EIF3H: variants seen among roughly 807,000 people sequenced by gnomAD.
EIF3H encodes the protein eIF-3-gamma.
EIF3H carries 26 observed loss-of-function variants against 44.2 expected under a neutral mutation model. The ratio of observed to expected loss-of-function variants is 0.59; its 90% CI spans 0.43 to 0.82. EIF3H has a LOEUF of 0.82. Ranked by LOEUF, EIF3H falls within the 40% of genes least tolerant of loss-of-function variation. EIF3H has a pLI of 0.00. For missense variants in EIF3H, 359 were observed against 432.8 expected, an observed-to-expected ratio of 0.83 and a Z score of 1.51; for synonymous variants, 166 against 151.9, an observed-to-expected ratio of 1.09 and a Z score of -0.68.
chr8:116,644,912 G>T lies in EIF3H; in HGVS notation c.*94C>A. Reference sequence around the variant, plus strand: ...GGCAATGACACTAAAGAAATCCTCTGTGCTTTTCAATATGCAAATATATTT... The same window carrying T: ...GGCAATGACACTAAAGAAATCCTCTTTGCTTTTCAATATGCAAATATATTT... On this transcript the variant is annotated 3_prime_UTR_variant, in exon 8 of 8. Coordinates refer to ENST00000521861, the MANE Select transcript of EIF3H (RefSeq NM_003756.3). 1.0e-6 allele frequency: 1 copy of T among 997,754 alleles called. No homozygotes were observed. Among genetic ancestry groups the T allele is most frequent in the Non-Finnish European group, 1.5e-6 (1 of 656,618 alleles). The allele number at this position is 997,754 out of a possible 1,614,324, so 61.8% of individuals were successfully genotyped here. A position where few individuals can be genotyped will look rare whatever the true frequency, so the allele number is the denominator to read the frequency against.
chr8:116,692,734 G>A (rs997687434), intron 2 of EIF3H, among the ~76,000 whole-genome samples: 3 of 151,996 alleles, frequency 2.0e-5, no homozygotes, highest in Non-Finnish European at 4.4e-5. Context: ...GACTGTATTC[G>A]TAATGTTTAA....
At chr8:116,743,810 ACAC>A (rs1815181576) in intron 1 of EIF3H, among the ~76,000 whole-genome samples, 2 of 102,350 alleles carry the variant, frequency 2.0e-5, no homozygotes, top group African/African-American at 6.0e-5. Flanking sequence ...ACACACACAC[ACAC>A]ACACACACAC....
At chr8:116,648,781 T>A (rs911749678) in intron 6 of EIF3H, 25 bp downstream of exon 6, 2 of 1,557,572 alleles carry the variant, frequency 1.3e-6, no homozygotes, top group East Asian at 4.7e-5. Flanking sequence ...AATAGCTGTT[T>A]GTTGAATTTT....
chr8:116,695,961 T>G (rs1373779064), intron 2 of EIF3H, among the ~76,000 whole-genome samples: 3 of 152,252 alleles, frequency 2.0e-5, no homozygotes, highest in Non-Finnish European at 4.4e-5. Context: ...CAGTGTAAAC[T>G]CATGGTTTTC....
chr8:116,662,833 G>C (rs937411908), intron 2 of EIF3H, among the ~76,000 whole-genome samples: 1 of 152,184 alleles, frequency 6.6e-6, no homozygotes, highest in Non-Finnish European at 1.5e-5. Flanking sequence ...GGGAACAATC[G>C]TGAAATTATG....
In EIF3H at chr8:116,752,752, A is replaced by G. The variant is rs1337725611; in HGVS notation, c.132+2914T>C. On this transcript the variant is annotated intron_variant, in intron 1 of 7. Transcript: ENST00000521861. ...AGAAAGAAGAGAAAGAAAGAAAGAA[A>G]GAGGGAGGGAGGGAGGGAGGGAGGG... Among the ~76,000 whole-genome samples, 63 of 40,936 alleles carry G rather than the reference A, an allele frequency of 1.5e-3. 3 individuals carry two copies. Among genetic ancestry groups the G allele is most frequent in the South Asian group, 4.0e-3 (3 of 750 alleles). The allele number at this position is 40,936 out of a possible 152,430, so 26.9% of individuals were successfully genotyped here.
chr8:116,675,506 T>G (rs989647770), intron 2 of EIF3H, among the ~76,000 whole-genome samples: 1 of 152,194 alleles, frequency 6.6e-6, no homozygotes. Context: ...TCTTCCCAAG[T>G]TGTGGCAACC....
intron 2 of EIF3H, among the ~76,000 whole-genome samples, chr8:116,714,354 T>A (rs1814624855): frequency 6.6e-6 from 1 of 152,122 alleles, no homozygotes; most frequent in African/African-American, 2.4e-5. Flanking sequence ...AGTGTTCGCA[T>A]CATTTTTTCC....
At chr8:116,669,073 CTA>C (rs1483454900) in intron 2 of EIF3H, among the ~76,000 whole-genome samples, 1 of 152,024 alleles carries the variant, frequency 6.6e-6, no homozygotes, top group African/African-American at 2.4e-5. Flanking sequence ...AAATCAAAGT[CTA>C]TGCATTTCTA....
chr8:116,763,899 T>G (rs1292687309), intron 1 of EIF3H, among the ~76,000 whole-genome samples: 3 of 152,186 alleles, frequency 2.0e-5, no homozygotes, highest in African/African-American at 7.2e-5. Context: ...TTAATTCCAT[T>G]TAGGCCATGA....
intron 3 of EIF3H, chr8:116,657,656 C>A: frequency 4.5e-6 from 1 of 222,020 alleles, no homozygotes; most frequent in Non-Finnish European, 8.8e-6. Flanking sequence ...ATTAGGAAAT[C>A]ACTGATAAAT....
intron 2 of EIF3H, among the ~76,000 whole-genome samples, chr8:116,666,751 G>A (rs1340201904): frequency 2.9e-4 from 1 of 3,480 alleles, no homozygotes; most frequent in African/African-American, 3.1e-3. Flanking sequence ...TTTAGTGTTA[G>A]GCAAAAAAAA....
intron 2 of EIF3H, among the ~76,000 whole-genome samples, chr8:116,665,370 A>G (rs974597125): frequency 6.6e-6 from 1 of 152,208 alleles, no homozygotes; most frequent in African/African-American, 2.4e-5. Flanking sequence ...GCTGCATTCT[A>G]TGTTACTATT....
intron 2 of EIF3H, among the ~76,000 whole-genome samples, chr8:116,701,371 C>T (rs1459797034): frequency 1.3e-5 from 2 of 152,076 alleles, no homozygotes; most frequent in African/African-American, 4.8e-5. Context: ...TGTGATAGTC[C>T]CCATAATATT....
chr8:116,668,291 G>A (rs1316972839), intron 2 of EIF3H, among the ~76,000 whole-genome samples: 1 of 152,208 alleles, frequency 6.6e-6, no homozygotes, highest in Non-Finnish European at 1.5e-5. Context: ...AGTGTGGACT[G>A]CACTCTCCTC....
chr8:116,663,887 C>T (rs999955772), intron 2 of EIF3H, among the ~76,000 whole-genome samples: 2 of 145,864 alleles, frequency 1.4e-5, no homozygotes, highest in South Asian at 4.3e-4. Flanking sequence ...ACTGAGATCA[C>T]ACCACTGCAC....
At chr8:116,645,556 A>G (rs1300027742) in intron 7 of EIF3H, among the ~76,000 whole-genome samples, 1 of 152,250 alleles carries the variant, frequency 6.6e-6, no homozygotes, top group Non-Finnish European at 1.5e-5. Flanking sequence ...GTTTTCTCCT[A>G]CGAGCCAGAC....
intron 2 of EIF3H, among the ~76,000 whole-genome samples, chr8:116,701,728 A>T (rs1814378819): frequency 6.6e-6 from 1 of 152,222 alleles, no homozygotes; most frequent in Non-Finnish European, 1.5e-5. Flanking sequence ...TGTATAAAAC[A>T]GCTGACAAGC....
chr8:116,675,198 G>A (rs569153687), intron 2 of EIF3H, among the ~76,000 whole-genome samples: 1 of 152,316 alleles, frequency 6.6e-6, no homozygotes, highest in South Asian at 2.1e-4. Flanking sequence ...CTTGGAACTA[G>A]GAGCGAATGA....
Sources: gnomAD v4.1 joint callset for allele counts (sites outside exome capture counted in the v4.1 genomes callset) on GRCh38, gnomAD v4.1.1 for gene constraint, MANE v1.5 for transcripts, NCBI Gene and HGNC (gene_info 2026-07-23, HGNC 2026-07-21) for gene names.